The following DPYD variants were observed in gnomAD, a reference collection of about 807,000 sequenced individuals.
DPYD encodes the protein dihydropyrimidine dehydrogenase, also known as dihydropyrimidine dehydrogenase [NADP(+)].
DPYD carries 109 observed loss-of-function variants against 116.2 expected under a neutral mutation model. The observed-to-expected ratio is 0.94, with a 90% CI of 0.80 to 1.10. The LOEUF (loss-of-function observed/expected upper bound fraction) is 1.10, where lower values mean the gene tolerates loss of function less well. Among genes scored for constraint, DPYD ranks in the 50% least tolerant of loss-of-function variants. The pLI is 0.00. For missense variants in DPYD, 1,302 were observed against 1,254.5 expected (o/e 1.04, Z -0.57); for synonymous variants, 440 against 432.0 (o/e 1.02, Z -0.23).
At chr1:97,333,517 A>ATTTTTTGTTTT (rs1669130359) in intron 16 of DPYD, among the ~76,000 whole-genome samples, 1 of 97,068 alleles carries the variant, frequency 1.0e-5, no homozygotes. Flanking sequence ...AAGTCTTAGG[A>ATTTTTTGTTTT]TTTTTTTTTT....
intron 11 of DPYD, among the ~76,000 whole-genome samples, chr1:97,571,553 T>C (rs79441182): frequency 6.6e-6 from 1 of 151,688 alleles, no homozygotes; most frequent in Non-Finnish European, 1.5e-5. Flanking sequence ...AGGAGAAAAG[T>C]GGAGGGGTGG....
chr1:97,634,453 TAATTA>T (rs1009755349), intron 8 of DPYD, among the ~76,000 whole-genome samples: 1 of 151,698 alleles, frequency 6.6e-6, no homozygotes, highest in African/African-American at 2.4e-5. Context: ...AAAAGAAAAA[TAATTA>T]AATATAAAAC....
At chr1:97,149,048 A>T (rs1446953867) in intron 20 of DPYD, among the ~76,000 whole-genome samples, 1 of 152,210 alleles carries the variant, frequency 6.6e-6, no homozygotes, top group East Asian at 1.9e-4. Flanking sequence ...TACATACATA[A>T]CATGCAGATG....
intron 1 of DPYD, among the ~76,000 whole-genome samples, chr1:97,910,697 A>G (rs1673892512): frequency 6.6e-6 from 1 of 152,104 alleles, no homozygotes; most frequent in Non-Finnish European, 1.5e-5. Context: ...TTCCACTACA[A>G]TCAGACTAAA....
In DPYD at chr1:97,171,301, T is replaced by C. The variant is rs1048227068; in HGVS notation, c.2622+21768A>G. Among the ~76,000 whole-genome samples the C allele has an allele frequency of 1.3e-4, 20 of 152,148 alleles. 1 individual carries two copies. In the East Asian group the frequency reaches 3.9e-3, roughly 29 times the overall value. On this transcript the variant is annotated intron_variant, in intron 20 of 22. Coordinates refer to ENST00000370192, the MANE Select transcript of DPYD (RefSeq NM_000110.4). ...AATAATTTATCCTAAGTTCACTGAATACAGGTGAGTAAGTATTGTATTATT... is the reference window on the plus strand; with the variant it reads ...AATAATTTATCCTAAGTTCACTGAACACAGGTGAGTAAGTATTGTATTATT...
At chr1:97,278,249 A>T (rs641805) in intron 18 of DPYD, among the ~76,000 whole-genome samples, 61,350 of 152,034 alleles carry the variant, frequency 0.4, 12,596 homozygotes, top group Middle Eastern at 0.45. Flanking sequence ...AAGTTTGCCT[A>T]CTCAGGGGCT....
At chr1:97,201,590 C>T (rs901532274) in intron 19 of DPYD, among the ~76,000 whole-genome samples, 8 of 151,884 alleles carry the variant, frequency 5.3e-5, no homozygotes. Flanking sequence ...AAAGACAGCC[C>T]CTGGAGATAC....
rs148108634 is a variant in DPYD, at chr1:97,385,881, T to G, written c.1906-3420A>C. Among the ~76,000 whole-genome samples, 215 of 152,242 alleles carry G rather than the reference T, an allele frequency of 1.4e-3. 1 individual carries two copies. The highest frequency in any genetic ancestry group is 4.8e-3 in the African/African-American group (200 of 41,538). ...GCAATTTTAATTTTAACAGAGCTAT[T>G]TTTGCTTCAAATTTATATTGACTGT... On this transcript the variant is annotated intron_variant, in intron 14 of 22. Transcript: ENST00000370192.
intron 14 of DPYD, among the ~76,000 whole-genome samples, chr1:97,435,805 A>G (rs1293713638): frequency 1.3e-5 from 2 of 151,926 alleles, no homozygotes; most frequent in African/African-American, 4.8e-5. Flanking sequence ...TATTCCCTGT[A>G]GGGTACAATG....
intron 15 of DPYD, among the ~76,000 whole-genome samples, chr1:97,374,485 C>A (rs1671486941): frequency 6.6e-6 from 1 of 151,512 alleles, no homozygotes; most frequent in Non-Finnish European, 1.5e-5. Flanking sequence ...CTTTGGGAGG[C>A]CAAGGCAGGC....
chr1:97,574,039 T>C, intron 10 of DPYD, 69 bp from the exon 11 acceptor site: 1 of 1,579,644 alleles, frequency 6.3e-7, no homozygotes, highest in African/African-American at 1.4e-5. Flanking sequence ...TGATTTCTAA[T>C]TGAATTACAC....
At chr1:97,392,358 C>A (rs886504970) in intron 14 of DPYD, among the ~76,000 whole-genome samples, 4 of 151,124 alleles carry the variant, frequency 2.6e-5, no homozygotes, top group African/African-American at 9.7e-5. Context: ...CTTTTTTTTC[C>A]TTCTTTTTTT....
chr1:97,150,322 G>A (rs552873149), intron 20 of DPYD, among the ~76,000 whole-genome samples: 1 of 151,814 alleles, frequency 6.6e-6, no homozygotes, highest in South Asian at 2.1e-4. Context: ...ATCTCCAAGA[G>A]AACAAGGACC....
intron 12 of DPYD, among the ~76,000 whole-genome samples, chr1:97,521,684 C>A (rs931746003): frequency 1.3e-5 from 2 of 152,150 alleles, no homozygotes; most frequent in African/African-American, 4.8e-5. Flanking sequence ...GTAACCAAAA[C>A]AGCATGGTAC....
Position 97,893,462 on chromosome 1 carries a change from A to ATATG in DPYD, c.40-10089_40-10088insCATA, listed in dbSNP as rs1553256548. Among the ~76,000 whole-genome samples the ATATG allele has an allele frequency of 3.6e-3, 498 of 139,832 alleles. 4 individuals carry two copies. The highest frequency in any genetic ancestry group is 8.1e-3 in the African/African-American group (309 of 38,274). The allele number at this position is 139,832 out of a possible 152,430, so 91.7% of individuals were successfully genotyped here. A position where few individuals can be genotyped will look rare whatever the true frequency, so the allele number is the denominator to read the frequency against. ...TATATATATATATATATATATATAT[A>ATATG]GCAATGGAGATATCATTTTATAATC... On this transcript the variant is annotated intron_variant, in intron 1 of 22. Transcript: ENST00000370192.
At chr1:97,488,018 A>G (rs577600554) in intron 13 of DPYD, among the ~76,000 whole-genome samples, 5 of 152,196 alleles carry the variant, frequency 3.3e-5, no homozygotes, top group South Asian at 2.1e-4. Context: ...TCTGAAAATA[A>G]CCCAGATATC....
chr1:97,300,102 C>A (rs1666771006), intron 18 of DPYD, among the ~76,000 whole-genome samples: 3 of 152,008 alleles, frequency 2.0e-5, no homozygotes. Flanking sequence ...ATAACAAGTT[C>A]TTTAATAGTT....
At chr1:97,430,813 T>C (rs1478458459) in intron 14 of DPYD, among the ~76,000 whole-genome samples, 1 of 152,134 alleles carries the variant, frequency 6.6e-6, no homozygotes, top group Admixed American at 6.5e-5. Flanking sequence ...TGATTCCTCT[T>C]ACTGAAATAC....
chr1:97,612,601 C>A (rs1656014118), intron 8 of DPYD, among the ~76,000 whole-genome samples: 1 of 151,984 alleles, frequency 6.6e-6, no homozygotes, highest in Non-Finnish European at 1.5e-5. Flanking sequence ...CTCATGGATG[C>A]AACAATTAAG....
Sources: gnomAD v4.1 joint callset for allele counts (sites outside exome capture counted in the v4.1 genomes callset) on GRCh38, gnomAD v4.1.1 for gene constraint, MANE v1.5 for transcripts, NCBI Gene and HGNC (gene_info 2026-07-23, HGNC 2026-07-21) for gene names.